Variants in ABCA10 observed in about 807,000 individuals in gnomAD.
The protein encoded by ABCA10 is ATP-binding cassette sub-family A member 10.
Under a neutral mutation model 187.5 loss-of-function variants are expected in ABCA10, and 169 were observed. The ratio of observed to expected loss-of-function variants is 0.90; its 90% confidence interval spans 0.80 to 1.02. The LOEUF (loss-of-function observed/expected upper bound fraction) is 1.02. Among genes scored for constraint, ABCA10 ranks in the 50% least tolerant of loss-of-function variants. ABCA10 has a pLI of 0.00. For synonymous variants in ABCA10, 574 were observed against 601.8 expected, an observed-to-expected ratio of 0.95 and a Z score of 0.68; for missense variants, 1,727 against 1,812.4, an observed-to-expected ratio of 0.95 and a Z score of 0.86.
intron 21 of ABCA10, 48 bp downstream of exon 21, chr17:69,182,627 A>T: frequency 6.5e-7 from 1 of 1,528,428 alleles, no homozygotes. Context: ...ACGTGGCAAA[A>T]AAAACAAAAA....
In ABCA10 at chr17:69,191,317, T is replaced by C; in HGVS notation, c.1872-2A>G. On this transcript the variant is annotated splice_acceptor_variant, in intron 16 of 38. Coordinates refer to ENST00000690296, the MANE Select transcript of ABCA10 (RefSeq NM_001377321.1). LOFTEE classifies it high-confidence loss of function. ...TCACACATTTCATTCCTGTGTAAACTATTATTTCAAAAGAGCCATAAGTCT... is the reference window on the plus strand; with the variant it reads ...TCACACATTTCATTCCTGTGTAAACCATTATTTCAAAAGAGCCATAAGTCT... The C allele has an allele frequency of 1.3e-6, 2 of 1,536,672 alleles. No individual in the cohort carries two copies. The highest frequency in any genetic ancestry group is 2.4e-5 in the East Asian group (1 of 42,486).
chr17:69,196,371 C>T (rs1248634030), intron 11 of ABCA10: 8 of 172,652 alleles, frequency 4.6e-5, no homozygotes, highest in Non-Finnish European at 8.5e-5. Context: ...AGTTCCCAGA[C>T]GGGGTCGCGG....
intron 27 of ABCA10, among the ~76,000 whole-genome samples, chr17:69,159,291 T>C (rs1356691150): frequency 6.6e-6 from 1 of 151,992 alleles, no homozygotes; most frequent in African/African-American, 2.4e-5. Context: ...GAGCAATAAA[T>C]AAACAGAGCC....
chr17:69,154,195 A>G (rs766333221), intron 31 of ABCA10, 40 bp downstream of exon 31: 1 of 1,520,928 alleles, frequency 6.6e-7, no homozygotes, highest in Non-Finnish European at 9.0e-7. Context: ...GAAAGATGTC[A>G]TCAATATTTA....
At chr17:69,207,437 C>T (rs189298492) in intron 9 of ABCA10, among the ~76,000 whole-genome samples, 1 of 152,268 alleles carries the variant, frequency 6.6e-6, no homozygotes, top group East Asian at 1.9e-4. Context: ...TATCTGCACT[C>T]CCATATTCGT....
intron 9 of ABCA10, among the ~76,000 whole-genome samples, chr17:69,204,734 T>C (rs1004682073): frequency 6.6e-5 from 10 of 152,256 alleles, no homozygotes; most frequent in African/African-American, 2.4e-4. Context: ...ACAGATACCA[T>C]TAGCAATTCT....
chr17:69,187,947 AATG>A (rs1236670819), intron 18 of ABCA10, 68 bp from the exon 19 acceptor site: 16 of 1,444,092 alleles, frequency 1.1e-5, no homozygotes, highest in Non-Finnish European at 1.5e-5. Context: ...AAACTTTGAA[AATG>A]ATGTTAGACT....
At chr17:69,166,480 T>C (rs1283379257) in intron 25 of ABCA10, among the ~76,000 whole-genome samples, 2 of 152,214 alleles carry the variant, frequency 1.3e-5, no homozygotes, top group African/African-American at 4.8e-5. Flanking sequence ...TCTGTCACTG[T>C]AGCCACACCA....
intron 9 of ABCA10, among the ~76,000 whole-genome samples, chr17:69,208,067 A>C (rs2074604689): frequency 6.6e-6 from 1 of 152,178 alleles, no homozygotes; most frequent in Non-Finnish European, 1.5e-5. Flanking sequence ...TATTTTTAAA[A>C]AGGTTTTGTG....
chr17:69,216,173 T>C (rs777816481), intron 7 of ABCA10, 44 bp downstream of exon 7: 1 of 1,574,186 alleles, frequency 6.4e-7, no homozygotes, highest in South Asian at 1.2e-5. Context: ...CATGTATCTG[T>C]AATCTGAAAC....
chr17:69,164,008 G>A (rs1368131622), intron 27 of ABCA10, 66 bp downstream of exon 27: 13 of 1,298,496 alleles, frequency 1.0e-5, no homozygotes, highest in African/African-American at 3.1e-5. Flanking sequence ...GGCATACCTT[G>A]AATAAGATTT....
At chr17:69,218,562 A>G (rs951983500) in intron 6 of ABCA10, among the ~76,000 whole-genome samples, 2 of 152,108 alleles carry the variant, frequency 1.3e-5, no homozygotes, top group African/African-American at 4.8e-5. Flanking sequence ...ATTGTATACT[A>G]TCTCAAAGTC....
At chr17:69,157,751 T>G (rs1382098863) in intron 27 of ABCA10, among the ~76,000 whole-genome samples, 1 of 152,092 alleles carries the variant, frequency 6.6e-6, no homozygotes, top group African/African-American at 2.4e-5. Flanking sequence ...TCAAAACAGT[T>G]GTCTCAACTG....
chr17:69,153,273 T>A (rs1031674104), intron 34 of ABCA10, 32 bp downstream of exon 34: 1 of 1,575,022 alleles, frequency 6.3e-7, no homozygotes, highest in Non-Finnish European at 8.6e-7. Flanking sequence ...GGTATTCTCT[T>A]GACTCTGACA....
At position 69,153,558 on chromosome 17, in the gene ABCA10, CA is replaced by C. The variant is rs1240933268; in HGVS notation, c.3966-13del. 3 of 1,614,048 alleles carry C rather than the reference CA, an allele frequency of 1.9e-6. No homozygotes were observed. The highest frequency in any genetic ancestry group is 2.5e-6 in the Non-Finnish European group (3 of 1,179,954). ...GAGCTTCCACCAATCTGACAAAAAA[CA>C]GTGTGATTATACATGAAGTATATGG... is the stretch of plus-strand genomic sequence containing the variant. On this transcript the variant is annotated splice_polypyrimidine_tract_variant and intron_variant, in intron 32 of 38. Transcript: ENST00000690296.
intron 2 of ABCA10, among the ~76,000 whole-genome samples, chr17:69,226,307 T>C (rs2074792682): frequency 6.6e-6 from 1 of 152,080 alleles, no homozygotes; most frequent in East Asian, 1.9e-4. Context: ...CATTTCTGGA[T>C]TGACATACTT....
intron 22 of ABCA10, among the ~76,000 whole-genome samples, chr17:69,178,691 C>T (rs1412249408): frequency 1.3e-5 from 2 of 152,280 alleles, no homozygotes; most frequent in Admixed American, 6.5e-5. Flanking sequence ...AATGGGTGAG[C>T]AGTAAAATAT....
intron 1 of ABCA10, among the ~76,000 whole-genome samples, chr17:69,238,297 G>A (rs887130680): frequency 6.6e-6 from 1 of 152,046 alleles, no homozygotes; most frequent in Admixed American, 6.6e-5. Flanking sequence ...AGAACTGTAA[G>A]AGAATAAGCT....
chr17:69,173,769 C>G (rs1361593383), intron 25 of ABCA10, among the ~76,000 whole-genome samples: 1 of 152,082 alleles, frequency 6.6e-6, no homozygotes, highest in Admixed American at 6.6e-5. Flanking sequence ...GAAGGAGATG[C>G]AGTAGCATAT....
Sources: gnomAD v4.1 joint callset for allele counts (sites outside exome capture counted in the v4.1 genomes callset) on GRCh38, gnomAD v4.1.1 for gene constraint, MANE v1.5 for transcripts, NCBI Gene and HGNC (gene_info 2026-07-23, HGNC 2026-07-21) for gene names.